Variants in CRYBG3 observed in about 807,000 individuals in gnomAD.
CRYBG3 encodes the protein crystallin beta-gamma domain containing 3.
Under a neutral mutation model 244.2 loss-of-function variants are expected in CRYBG3, and 127 were observed. The observed-to-expected ratio is 0.52, with a 90% CI of 0.45 to 0.60. The LOEUF (loss-of-function observed/expected upper bound fraction) is 0.60. Ranked by LOEUF, CRYBG3 falls within the 20% of genes least tolerant of loss-of-function variation. The pLI is 0.00. For missense variants in CRYBG3, 3,325 were observed against 3,442.5 expected (o/e 0.97, Z 0.85); for synonymous variants, 1,132 against 1,195.8 (o/e 0.95, Z 1.10).
At chr3:97,853,886 T>C (rs2039025790) in intron 2 of CRYBG3, among the ~76,000 whole-genome samples, 1 of 152,152 alleles carries the variant, frequency 6.6e-6, no homozygotes, top group Non-Finnish European at 1.5e-5. Flanking sequence ...TTCTTAGTGA[T>C]GAACTCTCTG....
chr3:97,928,732 C>G (rs988771482), intron 17 of CRYBG3, among the ~76,000 whole-genome samples: 1 of 151,850 alleles, frequency 6.6e-6, no homozygotes, highest in Non-Finnish European at 1.5e-5. Context: ...ATTTCTGTTC[C>G]TATAGTGAAA....
Position 97,877,218 on chromosome 3 carries a change from A to G in CRYBG3, c.6024A>G (p.Gln2008=), listed in dbSNP as rs2039388422. 8.1e-6 allele frequency: 13 copies of G among 1,614,038 alleles called. No homozygotes were observed. The highest frequency in any genetic ancestry group is 8.5e-6 in the Non-Finnish European group (10 of 1,179,932). The change falls in exon 4 of 22, where the codon CAA becomes CAG. Residue 2008 remains glutamine, a synonymous_variant. Transcript: ENST00000389622. ...CTATATTATACGAAGAGCCCCTTCAAGAGGAGGACAAGTATGCTTCCGCAG... is the reference window on the plus strand; with the variant it reads ...CTATATTATACGAAGAGCCCCTTCAGGAGGAGGACAAGTATGCTTCCGCAG... ...SFTILYEEPL[Q]EEDKYASAEA...
chr3:97,835,990 C>G (rs2038727664), intron 1 of CRYBG3, among the ~76,000 whole-genome samples: 1 of 152,082 alleles, frequency 6.6e-6, no homozygotes, highest in African/African-American at 2.4e-5. Context: ...AACACATGTA[C>G]TGTAGACAGC....
intron 21 of CRYBG3, 167 bp downstream of exon 21, chr3:97,942,610 C>A: frequency 1.6e-6 from 1 of 612,360 alleles, no homozygotes; most frequent in African/African-American, 1.9e-5. Flanking sequence ...AAACAATTAG[C>A]AGAAAAAGCC....
chr3:97,883,653 G>A (rs1313363600), intron 7 of CRYBG3, among the ~76,000 whole-genome samples: 2 of 151,648 alleles, frequency 1.3e-5, no homozygotes, highest in African/African-American at 4.8e-5. Flanking sequence ...TTTTTTTTTA[G>A]TTGCAGTGTT....
At chr3:97,879,634 T>G in intron 4 of CRYBG3, 70 bp from the exon 5 acceptor site, 2 of 1,109,616 alleles carry the variant, frequency 1.8e-6, no homozygotes, top group Non-Finnish European at 2.7e-6. Context: ...ACAAGACTGC[T>G]AAGAAAATGA....
intron 15 of CRYBG3, among the ~76,000 whole-genome samples, chr3:97,905,691 G>C (rs1409727257): frequency 7.0e-6 from 1 of 143,050 alleles, no homozygotes; most frequent in Non-Finnish European, 1.5e-5. Context: ...CCATTTTGTA[G>C]GTTGCCTGTT....
At chr3:97,881,045 CTCA>C (rs1559731444) in intron 6 of CRYBG3, 24 bp from the exon 7 acceptor site, 1 of 1,532,854 alleles carries the variant, frequency 6.5e-7, no homozygotes. Context: ...TTAAATATAA[CTCA>C]TCATTGCATT....
At chr3:97,833,365 G>A (rs188622510) in intron 1 of CRYBG3, among the ~76,000 whole-genome samples, 17 of 152,166 alleles carry the variant, frequency 1.1e-4, no homozygotes, top group Middle Eastern at 3.4e-3. Context: ...CATATACACC[G>A]TGGAATACTA....
At chr3:97,940,911 G>A (rs1026776075) in intron 19 of CRYBG3, among the ~76,000 whole-genome samples, 8 of 151,856 alleles carry the variant, frequency 5.3e-5, no homozygotes, top group Non-Finnish European at 7.4e-5. Flanking sequence ...TTTACTTCAT[G>A]CTGTTCAAAA....
intron 15 of CRYBG3, among the ~76,000 whole-genome samples, chr3:97,906,218 C>T (rs1096622): frequency 5.4e-5 from 7 of 130,426 alleles, no homozygotes; most frequent in East Asian, 2.5e-4. Context: ...GGATTGACTT[C>T]GCAATGCGGG....
intron 10 of CRYBG3, among the ~76,000 whole-genome samples, chr3:97,892,369 C>G (rs4297989): frequency 6.6e-6 from 1 of 152,028 alleles, no homozygotes; most frequent in African/African-American, 2.4e-5. Flanking sequence ...TTCAAATTGA[C>G]GCGGATGGTC....
intron 15 of CRYBG3, among the ~76,000 whole-genome samples, chr3:97,909,701 C>T (rs962813639): frequency 3.3e-5 from 5 of 151,870 alleles, no homozygotes; most frequent in African/African-American, 1.2e-4. Context: ...GAATGTCCTC[C>T]CGTAGCTCAG....
At chr3:97,917,684 C>T (rs1420555760) in intron 17 of CRYBG3, among the ~76,000 whole-genome samples, 2 of 151,946 alleles carry the variant, frequency 1.3e-5, no homozygotes, top group African/African-American at 4.8e-5. Flanking sequence ...CTGGAATGCT[C>T]GAAAATTCTG....
intron 17 of CRYBG3, among the ~76,000 whole-genome samples, chr3:97,927,113 A>G (rs2040049090): frequency 6.6e-6 from 1 of 152,146 alleles, no homozygotes; most frequent in African/African-American, 2.4e-5. Context: ...AGCCAAGGCA[A>G]TCCTAAGCAA....
chr3:97,911,351 T>G (rs1327177627), intron 15 of CRYBG3, among the ~76,000 whole-genome samples: 4 of 152,158 alleles, frequency 2.6e-5, no homozygotes, highest in African/African-American at 9.7e-5. Context: ...TACGGGCTCT[T>G]TAATTTTTTT....
chr3:97,890,258 A>ATAC (rs2108231534), intron 10 of CRYBG3, among the ~76,000 whole-genome samples: 1 of 152,314 alleles, frequency 6.6e-6, no homozygotes, highest in South Asian at 2.1e-4. Context: ...ACTCCCAGAG[A>ATAC]TACTGTATTA....
chr3:97,847,119 C>T (rs968482870), intron 2 of CRYBG3, among the ~76,000 whole-genome samples: 4 of 152,106 alleles, frequency 2.6e-5, no homozygotes, highest in Non-Finnish European at 5.9e-5. Flanking sequence ...ATTGCAAGGA[C>T]ACCACAAAGC....
chr3:97,867,557 A>G (rs1434237414), intron 3 of CRYBG3, among the ~76,000 whole-genome samples: 1 of 152,190 alleles, frequency 6.6e-6, no homozygotes, highest in Non-Finnish European at 1.5e-5. Context: ...TCACATAATG[A>G]GTAATTATGT....
Sources: gnomAD v4.1 joint callset for allele counts (sites outside exome capture counted in the v4.1 genomes callset) on GRCh38, gnomAD v4.1.1 for gene constraint, MANE v1.5 for transcripts, NCBI Gene and HGNC (gene_info 2026-07-23, HGNC 2026-07-21) for gene names.